TNPO1: variants seen among roughly 807,000 people sequenced by gnomAD.
TNPO1 encodes transportin-1.
A neutral mutation model predicts 119.5 loss-of-function variants in TNPO1; 8 were observed. The observed-to-expected ratio is 0.07, with a 90% confidence interval of 0.04 to 0.12. TNPO1 has a LOEUF of 0.12. Among genes scored for constraint, TNPO1 ranks in the 10% least tolerant of loss-of-function variants. The pLI, the probability that TNPO1 is intolerant of heterozygous loss-of-function variation, is 1.00. For missense variants in TNPO1, 576 were observed against 1,089.8 expected (o/e 0.53, Z 6.64); for synonymous variants, 362 against 363.0 (o/e 1.00, Z 0.03).
At chr5:72,871,073 G>A (rs1203687260) in intron 6 of TNPO1, among the ~76,000 whole-genome samples, 1 of 151,988 alleles carries the variant, frequency 6.6e-6, no homozygotes, top group South Asian at 2.1e-4. Context: ...GGGTTCAAGC[G>A]ATTCTCCTGC....
At chr5:72,829,966 C>T (rs527246982) in intron 1 of TNPO1, among the ~76,000 whole-genome samples, 2 of 152,200 alleles carry the variant, frequency 1.3e-5, no homozygotes, top group Admixed American at 6.5e-5. Context: ...TGGCCTGATA[C>T]CCCTGCCCAA....
intron 6 of TNPO1, 25 bp downstream of exon 6, chr5:72,865,754 G>T: frequency 6.3e-7 from 1 of 1,597,302 alleles, no homozygotes; most frequent in South Asian, 1.1e-5. Context: ...AGTACTAATT[G>T]ATTAACTGTG....
At chr5:72,861,187 AG>A (rs1278098060) in intron 4 of TNPO1, among the ~76,000 whole-genome samples, 1 of 152,180 alleles carries the variant, frequency 6.6e-6, no homozygotes, top group Non-Finnish European at 1.5e-5. Flanking sequence ...CTGGGATTAC[AG>A]GTGTGAGCCA....
At chr5:72,838,038 T>G (rs929324689) in intron 1 of TNPO1, among the ~76,000 whole-genome samples, 3 of 152,226 alleles carry the variant, frequency 2.0e-5, no homozygotes, top group Non-Finnish European at 4.4e-5. Context: ...GTGAGATTTC[T>G]ATGAAGAAAT....
Position 72,897,165 on chromosome 5 carries a change from G to T in TNPO1, c.2338+14G>T, listed in dbSNP as rs1377315774. 1 of 1,566,830 alleles carries T rather than the reference G, an allele frequency of 6.4e-7. No homozygotes were observed. Among genetic ancestry groups the T allele is most frequent in the Non-Finnish European group, 8.6e-7 (1 of 1,156,070 alleles). On this transcript the variant is annotated intron_variant, in intron 20 of 24. Transcript: ENST00000337273. Reference sequence around the variant, plus strand: ...TAGAGAATACAGGTACCATATGACTGAACTGTTTCAGTGAAGAGAAAATTT... The same window carrying T: ...TAGAGAATACAGGTACCATATGACTTAACTGTTTCAGTGAAGAGAAAATTT...
chr5:72,885,818 G>T (rs1055061780), intron 11 of TNPO1, among the ~76,000 whole-genome samples: 1 of 147,556 alleles, frequency 6.8e-6, no homozygotes, highest in African/African-American at 2.5e-5. Flanking sequence ...CCTAGTTCAC[G>T]TTGGAAATTT....
chr5:72,876,750 C>T (rs1332923140), intron 8 of TNPO1, among the ~76,000 whole-genome samples: 1 of 152,022 alleles, frequency 6.6e-6, no homozygotes, highest in Non-Finnish European at 1.5e-5. Flanking sequence ...CAGTTTAAAT[C>T]AGTGTTTCTT....
chr5:72,849,853 TATATG>T (rs1745415115), intron 2 of TNPO1, among the ~76,000 whole-genome samples: 2 of 152,350 alleles, frequency 1.3e-5, no homozygotes, highest in Admixed American at 1.3e-4. Flanking sequence ...TTGCAGGTAT[TATATG>T]ATACAGTTAC....
intron 1 of TNPO1, among the ~76,000 whole-genome samples, chr5:72,833,846 A>G (rs1744577481): frequency 6.6e-6 from 1 of 152,188 alleles, no homozygotes; most frequent in Non-Finnish European, 1.5e-5. Context: ...GTGAACACTT[A>G]CAGAATATAT....
chr5:72,848,843 G>A (rs187863289), intron 2 of TNPO1, among the ~76,000 whole-genome samples: 1,934 of 150,670 alleles, frequency 0.013, 94 homozygotes, highest in Admixed American at 0.097. Context: ...GACCTGCCGC[G>A]GGGGTAGGGA....
chr5:72,863,553 A>G, intron 5 of TNPO1, among the ~76,000 whole-genome samples: 1 of 151,996 alleles, frequency 6.6e-6, no homozygotes. Context: ...TGAGGTCAGG[A>G]GTTTGAGAGA....
chr5:72,860,040 A>G (rs1014881559), intron 4 of TNPO1, among the ~76,000 whole-genome samples: 15 of 152,310 alleles, frequency 9.8e-5, no homozygotes, highest in Admixed American at 4.6e-4. Flanking sequence ...CTATCAGTAC[A>G]TTAATTCTTA....
intron 4 of TNPO1, among the ~76,000 whole-genome samples, chr5:72,860,685 G>A (rs969431756): frequency 3.3e-5 from 5 of 152,212 alleles, no homozygotes; most frequent in Admixed American, 3.3e-4. Flanking sequence ...GAGGGAGAGT[G>A]TTGTAAGCAG....
intron 20 of TNPO1, among the ~76,000 whole-genome samples, chr5:72,898,640 T>A (rs1579933299): frequency 6.6e-6 from 1 of 152,164 alleles, no homozygotes; most frequent in East Asian, 1.9e-4. Flanking sequence ...AGCCAATTCC[T>A]TAGTCTGCCG....
chr5:72,905,389 T>G lies in TNPO1; in HGVS notation c.2676T>G (p.Leu892=), dbSNP rs756844181. The G allele has an allele frequency of 1.9e-6, 3 of 1,611,592 alleles. No individual in the cohort carries two copies. In the African/African-American group the frequency reaches 4.0e-5, roughly 22 times the overall value. ...DQFPLPLKER[L]AAFYGV ...TTCCTCTTCCCTTAAAAGAGCGTCT[T>G]GCAGCTTTTTATGGTGTTTAATCTA... is the stretch of plus-strand genomic sequence containing the variant. The change falls in exon 24 of 25, where the codon CTT becomes CTG. Residue 892 remains leucine (L), a synonymous_variant. Coordinates refer to ENST00000337273, the MANE Select transcript of TNPO1 (RefSeq NM_002270.4).
At chr5:72,819,212 G>T (rs1743836807) in intron 1 of TNPO1, among the ~76,000 whole-genome samples, 1 of 152,132 alleles carries the variant, frequency 6.6e-6, no homozygotes, top group Admixed American at 6.5e-5. Flanking sequence ...GGCAAAGAGG[G>T]GGAAATCTGA....
At position 72,889,834 on chromosome 5, in the gene TNPO1, C is replaced by T; in HGVS notation, c.1578C>T (p.Tyr526=). The change falls in exon 14 of 25, where the codon TAC becomes TAT. Residue 526 remains tyrosine (Y), a synonymous_variant. Coordinates refer to ENST00000337273, the MANE Select transcript of TNPO1 (RefSeq NM_002270.4). ...AGGCTTGTACAGAACTTGTTCCTTACCTTGCTTATATACTTGATACCCTGG... is the reference window on the plus strand; with the variant it reads ...AGGCTTGTACAGAACTTGTTCCTTATCTTGCTTATATACTTGATACCCTGG... ...EEEACTELVP[Y]LAYILDTLVF... is the part of the protein sequence containing the mutation. 1 of 1,612,916 alleles carries T rather than the reference C, an allele frequency of 6.2e-7. No individual in the cohort carries two copies. The highest frequency in any genetic ancestry group is 1.3e-5 in the African/African-American group (1 of 74,816).
chr5:72,901,884 C>G (rs1290220925), intron 22 of TNPO1, among the ~76,000 whole-genome samples: 1 of 152,100 alleles, frequency 6.6e-6, no homozygotes, highest in Non-Finnish European at 1.5e-5. Context: ...CGAGACCAGC[C>G]TGGTCAACAT....
At chr5:72,821,641 G>A (rs967764073) in intron 1 of TNPO1, among the ~76,000 whole-genome samples, 2 of 152,128 alleles carry the variant, frequency 1.3e-5, no homozygotes, top group East Asian at 1.9e-4. Flanking sequence ...ATCTCTTGTC[G>A]AGAGATTTAC....
Sources: allele counts gnomAD v4.1 joint callset (sites outside exome capture counted in the v4.1 genomes callset), GRCh38; gene constraint gnomAD v4.1.1; transcripts MANE v1.5; gene names NCBI Gene and HGNC (gene_info 2026-07-23, HGNC 2026-07-21).